The following PTK2 variants were observed in gnomAD, a reference collection of about 807,000 sequenced individuals.
PTK2 encodes focal adhesion kinase 1.
A neutral mutation model predicts 150.1 loss-of-function variants in PTK2; 45 were observed. The observed-to-expected ratio is 0.30, with a 90% confidence interval of 0.24 to 0.38. The LOEUF is 0.38. Ranked by LOEUF, PTK2 falls within the 10% of genes least tolerant of loss-of-function variation. The pLI, the probability that PTK2 is intolerant of heterozygous loss-of-function variation, is 1.00. For synonymous variants in PTK2, 432 were observed against 449.2 expected (o/e 0.96, Z 0.48); for missense variants, 919 against 1,307.3 (o/e 0.70, Z 4.58).
At chr8:140,965,931 G>A (rs2100185095) in intron 1 of PTK2, among the ~76,000 whole-genome samples, 1 of 152,110 alleles carries the variant, frequency 6.6e-6, no homozygotes, top group Non-Finnish European at 1.5e-5. Flanking sequence ...TGCAGCCTCA[G>A]GACCTAAACA....
At chr8:140,727,854 C>A (rs1454558085) in intron 22 of PTK2, among the ~76,000 whole-genome samples, 1 of 151,750 alleles carries the variant, frequency 6.6e-6, no homozygotes, top group East Asian at 1.9e-4. Flanking sequence ...TCACAAGAAC[C>A]CTAGAAAGTA....
At chr8:140,964,547 A>ATTTT (rs1025644210) in intron 1 of PTK2, among the ~76,000 whole-genome samples, 1 of 76,814 alleles carries the variant, frequency 1.3e-5, no homozygotes, top group Non-Finnish European at 2.3e-5. Context: ...GCCCCAGGTA[A>ATTTT]TTTTTTTTTT....
intron 12 of PTK2, among the ~76,000 whole-genome samples, chr8:140,797,518 C>G (rs1386182774): frequency 6.6e-6 from 1 of 152,156 alleles, no homozygotes; most frequent in Non-Finnish European, 1.5e-5. Flanking sequence ...TGCTTAGAAG[C>G]ATTCACTCCC....
intron 7 of PTK2, among the ~76,000 whole-genome samples, chr8:140,839,696 C>A (rs926574111): frequency 1.3e-5 from 2 of 151,796 alleles, no homozygotes; most frequent in Admixed American, 1.3e-4. Context: ...AAGAGAGAAT[C>A]CAGAGAGACA....
chr8:140,660,060 T>C (rs1462450470), intron 31 of PTK2, among the ~76,000 whole-genome samples: 3 of 152,322 alleles, frequency 2.0e-5, no homozygotes, highest in South Asian at 4.1e-4. Flanking sequence ...TCAGCTATTA[T>C]AGTGTGCCTG....
intron 2 of PTK2, among the ~76,000 whole-genome samples, chr8:140,914,765 G>T (rs1393127878): frequency 6.6e-6 from 1 of 152,052 alleles, no homozygotes; most frequent in Non-Finnish European, 1.5e-5. Context: ...GCCAGGAGTG[G>T]TGGCTCACAT....
chr8:140,894,120 C>G (rs1286796355), intron 2 of PTK2, among the ~76,000 whole-genome samples: 2 of 152,166 alleles, frequency 1.3e-5, no homozygotes, highest in Non-Finnish European at 2.9e-5. Flanking sequence ...TGGAGGGAAT[C>G]TGAACTAGAT....
chr8:140,877,571 T>G (rs1285437053), intron 4 of PTK2, among the ~76,000 whole-genome samples: 17 of 152,156 alleles, frequency 1.1e-4, no homozygotes, highest in Non-Finnish European at 4.4e-5. Flanking sequence ...AAATGAAATG[T>G]ATATTTAAGT....
chr8:140,708,306 A>G (rs936066143), intron 23 of PTK2, among the ~76,000 whole-genome samples: 1 of 151,972 alleles, frequency 6.6e-6, no homozygotes, highest in Non-Finnish European at 1.5e-5. Context: ...TTTCCCCCTC[A>G]GTTTTGCTTA....
chr8:140,857,359 A>G (rs2100133313), intron 5 of PTK2, among the ~76,000 whole-genome samples: 1 of 152,098 alleles, frequency 6.6e-6, no homozygotes, highest in South Asian at 2.1e-4. Flanking sequence ...CTCCAGTCAC[A>G]CTGGCTTTTT....
At chr8:140,975,937 G>A (rs564906238) in intron 1 of PTK2, among the ~76,000 whole-genome samples, 2 of 152,204 alleles carry the variant, frequency 1.3e-5, no homozygotes, top group Admixed American at 1.3e-4. Flanking sequence ...CTCAAGAACT[G>A]GTGAAATCAC....
At chr8:140,814,860 C>T (rs760998441) in intron 10 of PTK2, among the ~76,000 whole-genome samples, 6 of 151,784 alleles carry the variant, frequency 4.0e-5, no homozygotes, top group Non-Finnish European at 7.4e-5. Context: ...CTGCAAGCTC[C>T]GCCTCCCGGG....
At chr8:140,962,081 A>T (rs1411678721) in intron 1 of PTK2, among the ~76,000 whole-genome samples, 1 of 151,558 alleles carries the variant, frequency 6.6e-6, no homozygotes, top group East Asian at 1.9e-4. Context: ...CGTCTCTACT[A>T]AAAAAAATAC....
intron 7 of PTK2, among the ~76,000 whole-genome samples, chr8:140,838,832 C>T (rs944190567): frequency 6.6e-6 from 1 of 151,936 alleles, no homozygotes; most frequent in Admixed American, 6.6e-5. Context: ...TGGTGAAATC[C>T]CGTCTCTACT....
At position 140,952,168 on chromosome 8, in the gene PTK2, G is replaced by A. The variant is rs923135523; in HGVS notation, c.-121-26419C>T. Among the ~76,000 whole-genome samples the A allele has an allele frequency of 8.5e-5, 13 of 152,292 alleles. No individual in the cohort carries two copies. In the South Asian group the frequency reaches 1.2e-3, roughly 15 times the overall value. On this transcript the variant is annotated intron_variant, in intron 1 of 31. Coordinates refer to ENST00000522684, the Ensembl canonical transcript of PTK2. ...AAAGAGAACTTATTTTGTGACAGGC[G>A]TTAAACAGTCCTAATTCAGCATTTA...
intron 5 of PTK2, among the ~76,000 whole-genome samples, chr8:140,849,160 C>G (rs1567504161): frequency 6.6e-6 from 1 of 152,168 alleles, no homozygotes; most frequent in Non-Finnish European, 1.5e-5. Flanking sequence ...ACACTGAAAT[C>G]TATTTGTGGC....
At chr8:140,933,638 A>C (rs948603889) in intron 1 of PTK2, among the ~76,000 whole-genome samples, 1 of 152,262 alleles carries the variant, frequency 6.6e-6, no homozygotes, top group Non-Finnish European at 1.5e-5. Context: ...CAAGTGTTAG[A>C]AGCCACAAGA....
chr8:140,958,018 T>C (rs1440158406), intron 1 of PTK2, among the ~76,000 whole-genome samples: 1 of 152,258 alleles, frequency 6.6e-6, no homozygotes, highest in African/African-American at 2.4e-5. Flanking sequence ...AAGTCTCTTG[T>C]CCATCCTGCT....
At chr8:140,895,939 A>T (rs753645953) in intron 2 of PTK2, among the ~76,000 whole-genome samples, 6 of 152,154 alleles carry the variant, frequency 3.9e-5, no homozygotes, top group Non-Finnish European at 5.9e-5. Context: ...TACTCTTTTA[A>T]AAAACAAAAT....
Sources: gnomAD v4.1 joint callset for allele counts (sites outside exome capture counted in the v4.1 genomes callset) on GRCh38, gnomAD v4.1.1 for gene constraint, MANE v1.5 for transcripts, NCBI Gene and HGNC (gene_info 2026-07-23, HGNC 2026-07-21) for gene names.